Variants in FAT3 observed in about 807,000 individuals in gnomAD.
The protein encoded by FAT3 is protocadherin Fat 3.
Under a neutral mutation model 310.2 loss-of-function variants are expected in FAT3, and 95 were observed. The observed-to-expected ratio is 0.31, with a 90% CI of 0.26 to 0.36. The LOEUF is 0.36. FAT3 is among the 10% of genes least tolerant of loss of function. The probability of loss-of-function intolerance (pLI) is 1.00; values close to 1 mark genes in which losing one functional copy is unlikely to be tolerated. For synonymous variants in FAT3, 2,314 were observed against 2,192.9 expected (o/e 1.06, Z -1.54); for missense variants, 5,408 against 5,715.6 (o/e 0.95, Z 1.74).
In FAT3 at chr11:92,893,218, A is replaced by C. The variant is rs551752144; in HGVS notation, c.*2105A>C. The C allele has an allele frequency of 6.6e-6, 1 of 152,128 alleles. No homozygotes were observed. The highest frequency in any genetic ancestry group is 1.5e-5 in the Non-Finnish European group (1 of 68,034). 9.4% of individuals were successfully genotyped at this position (152,128 alleles called of 1,614,324 possible). A position where few individuals can be genotyped will look rare whatever the true frequency, so the allele number is the denominator to read the frequency against. On this transcript the variant is annotated 3_prime_UTR_variant, in exon 28 of 28. Coordinates refer to ENST00000525166, the MANE Select transcript of FAT3 (RefSeq NM_001367949.2). The stretch of plus-strand genomic sequence containing the variant: ...TAAGTAAGTGGATACACTACACTTC[A>C]CAAGTTTTCCAGCCTTTCTCTTCCT...
At chr11:92,731,859 A>C (rs976368555) in intron 4 of FAT3, among the ~76,000 whole-genome samples, 2 of 152,312 alleles carry the variant, frequency 1.3e-5, no homozygotes, top group Non-Finnish European at 2.9e-5. Context: ...TAGTCTCCTC[A>C]GTAAATTATA....
intron 2 of FAT3, among the ~76,000 whole-genome samples, chr11:92,497,886 G>A (rs1420785487): frequency 6.6e-6 from 1 of 152,120 alleles, no homozygotes; most frequent in African/African-American, 2.4e-5. Flanking sequence ...TTTTCTGCAA[G>A]CGAAACAGGC....
intron 2 of FAT3, among the ~76,000 whole-genome samples, chr11:92,447,228 T>TGTGC (rs553208042): frequency 0.016 from 2,357 of 149,884 alleles, 62 homozygotes; most frequent in African/African-American, 0.054. Context: ...TGTGCGTGTG[T>TGTGC]GTGTGTGTGT....
At chr11:92,280,463 G>GTAT (rs1307689307) in intron 1 of FAT3, among the ~76,000 whole-genome samples, 1 of 152,164 alleles carries the variant, frequency 6.6e-6, no homozygotes, top group Non-Finnish European at 1.5e-5. Flanking sequence ...AAACACATAT[G>GTAT]TATTCCTTTT....
chr11:92,384,555 C>G (rs1437791034), intron 2 of FAT3, among the ~76,000 whole-genome samples: 1 of 152,138 alleles, frequency 6.6e-6, no homozygotes, highest in Non-Finnish European at 1.5e-5. Context: ...TTGTGAAAAT[C>G]TAAAGCAAAC....
intron 3 of FAT3, among the ~76,000 whole-genome samples, chr11:92,648,383 T>G (rs1942240959): frequency 6.6e-6 from 1 of 152,214 alleles, no homozygotes; most frequent in Non-Finnish European, 1.5e-5. Context: ...GGGTGTGCTG[T>G]GCAGGCCCCT....
chr11:92,311,250 T>C (rs1219156145), intron 1 of FAT3, among the ~76,000 whole-genome samples: 2 of 152,178 alleles, frequency 1.3e-5, no homozygotes, highest in African/African-American at 2.4e-5. Context: ...GGAAACCAAC[T>C]GAGCTTTATT....
rs1555038577 is a variant in FAT3 at position 92,412,734 on chromosome 11, T to TATATACACAC, written c.3292+57335_3292+57336insCACACATATA. Among the ~76,000 whole-genome samples, 34 of 11,886 alleles carry TATATACACAC rather than the reference T, an allele frequency of 2.9e-3. 1 individual carries two copies. Among genetic ancestry groups the TATATACACAC allele is most frequent in the South Asian group, 7.9e-3 (3 of 378 alleles). 7.8% of individuals were successfully genotyped at this position (11,886 alleles called of 152,430 possible). On this transcript the variant is annotated intron_variant, in intron 2 of 27. Transcript: ENST00000525166. ...ATATATATATATATATATATATATA[T>TATATACACAC]ATATATATATAAATATACATACATA...
chr11:92,320,283 C>T (rs541072956), intron 1 of FAT3, among the ~76,000 whole-genome samples: 2 of 152,266 alleles, frequency 1.3e-5, no homozygotes, highest in South Asian at 4.1e-4. Flanking sequence ...TTTATTTCAG[C>T]ACTGGTCCCA....
intron 2 of FAT3, among the ~76,000 whole-genome samples, chr11:92,429,074 C>A (rs757170688): frequency 6.6e-6 from 1 of 152,116 alleles, no homozygotes; most frequent in Non-Finnish European, 1.5e-5. Context: ...TTATTGGATG[C>A]GTATATATTT....
chr11:92,545,308 A>G (rs1008764468), intron 3 of FAT3, among the ~76,000 whole-genome samples: 1 of 152,052 alleles, frequency 6.6e-6, no homozygotes, highest in Non-Finnish European at 1.5e-5. Flanking sequence ...TTTATCGCTC[A>G]TCACTATCTA....
intron 7 of FAT3, among the ~76,000 whole-genome samples, chr11:92,776,767 CTCTGTG>C (rs1946609088): frequency 6.6e-6 from 1 of 152,106 alleles, no homozygotes; most frequent in South Asian, 2.1e-4. Flanking sequence ...ATTCAAGTCA[CTCTGTG>C]TCTCCAGAGT....
At chr11:92,570,034 TG>T (rs1955615150) in intron 3 of FAT3, among the ~76,000 whole-genome samples, 1 of 152,186 alleles carries the variant, frequency 6.6e-6, no homozygotes, top group South Asian at 2.1e-4. Flanking sequence ...TCCACAATTT[TG>T]GTTGGTGATG....
At chr11:92,653,627 A>G (rs1483711200) in intron 3 of FAT3, among the ~76,000 whole-genome samples, 1 of 152,132 alleles carries the variant, frequency 6.6e-6, no homozygotes, top group Non-Finnish European at 1.5e-5. Flanking sequence ...GTATTAAGAG[A>G]CAATGGGGTT....
chr11:92,704,752 C>A (rs1944216380), intron 4 of FAT3, among the ~76,000 whole-genome samples: 1 of 152,160 alleles, frequency 6.6e-6, no homozygotes, highest in Non-Finnish European at 1.5e-5. Flanking sequence ...AAATTTCTGT[C>A]ATTTCAGGCA....
At chr11:92,691,850 T>G (rs1448305645) in intron 3 of FAT3, among the ~76,000 whole-genome samples, 1 of 152,152 alleles carries the variant, frequency 6.6e-6, no homozygotes, top group African/African-American at 2.4e-5. Context: ...ATTAGGTCTG[T>G]TTTTTAAAAA....
At chr11:92,409,796 C>A (rs570756551) in intron 2 of FAT3, among the ~76,000 whole-genome samples, 1 of 152,188 alleles carries the variant, frequency 6.6e-6, no homozygotes, top group Non-Finnish European at 1.5e-5. Flanking sequence ...CTTGTTGTTC[C>A]TAGAAGTGAA....
intron 2 of FAT3, chr11:92,366,488 G>A (rs943850766): frequency 4.1e-5 from 18 of 442,468 alleles, no homozygotes; most frequent in Non-Finnish European, 6.3e-5. Flanking sequence ...TAGCTTGCCC[G>A]CCAGCCCTCA....
chr11:92,386,366 A>C (rs1479036008), intron 2 of FAT3, among the ~76,000 whole-genome samples: 2 of 152,210 alleles, frequency 1.3e-5, no homozygotes, highest in Non-Finnish European at 2.9e-5. Context: ...GCCTAGGAAC[A>C]TATACAAGAC....
Sources: allele counts gnomAD v4.1 joint callset (sites outside exome capture counted in the v4.1 genomes callset), GRCh38; gene constraint gnomAD v4.1.1; transcripts MANE v1.5; gene names NCBI Gene and HGNC (gene_info 2026-07-23, HGNC 2026-07-21).